AP3D1: variants seen among roughly 807,000 people sequenced by gnomAD.
The protein encoded by AP3D1 is AP-3 complex subunit delta-1.
A neutral mutation model predicts 147.6 loss-of-function variants in AP3D1; 51 were observed. The ratio of observed to expected loss-of-function variants is 0.35; its 90% CI spans 0.28 to 0.44. The LOEUF is 0.44. Among genes scored for constraint, AP3D1 ranks in the 20% least tolerant of loss-of-function variants. AP3D1 has a pLI of 1.00. For synonymous variants in AP3D1, 760 were observed against 663.0 expected (o/e 1.15, Z -2.25); for missense variants, 1,421 against 1,624.2 (o/e 0.87, Z 2.15).
chr19:2,114,917 C>G, intron 20 of AP3D1, 96 bp from the exon 21 acceptor site: 1 of 1,347,836 alleles, frequency 7.4e-7, no homozygotes, highest in Non-Finnish European at 1.1e-6. Context: ...CCATGCGGGC[C>G]ACACGCACAG....
intron 4 of AP3D1, among the ~76,000 whole-genome samples, chr19:2,135,774 C>T (rs1025517826): frequency 2.6e-5 from 4 of 152,134 alleles, no homozygotes; most frequent in African/African-American, 7.2e-5. Flanking sequence ...ACACAGGGAC[C>T]GGCCGTGCCG....
chr19:2,132,062 T>C (rs2018965272), intron 5 of AP3D1, among the ~76,000 whole-genome samples: 1 of 152,156 alleles, frequency 6.6e-6, no homozygotes, highest in Non-Finnish European at 1.5e-5. Flanking sequence ...TCCCAGGTTT[T>C]AGACTGTCAC....
At chr19:2,123,909 G>C in intron 9 of AP3D1, 30 bp from the exon 10 acceptor site, 2 of 1,562,370 alleles carry the variant, frequency 1.3e-6, no homozygotes, top group East Asian at 4.8e-5. Context: ...CAGCACCACG[G>C]TCAGCACCAT....
chr19:2,160,039 C>G (rs1382436229), intron 1 of AP3D1, among the ~76,000 whole-genome samples: 1 of 151,568 alleles, frequency 6.6e-6, no homozygotes, highest in Admixed American at 6.6e-5. Context: ...TTAGTAGAGA[C>G]GGGGTTTCAC....
chr19:2,157,581 C>T (rs1348213420), intron 1 of AP3D1, among the ~76,000 whole-genome samples: 1 of 151,566 alleles, frequency 6.6e-6, no homozygotes. Flanking sequence ...ATCCACCCAT[C>T]CACCCACCGA....
At chr19:2,123,226 C>A in intron 11 of AP3D1, 132 bp downstream of exon 11, 1 of 931,936 alleles carries the variant, frequency 1.1e-6, no homozygotes, top group Non-Finnish European at 1.7e-6. Flanking sequence ...GCCTCTGAGG[C>A]AGAGTGCCAT....
chr19:2,143,230 A>AT (rs776434810), intron 1 of AP3D1, among the ~76,000 whole-genome samples: 3,282 of 74,322 alleles, frequency 0.044, 528 homozygotes, highest in African/African-American at 0.088. Context: ...TGCCTGCCTA[A>AT]TTTTTTTTTT....
chr19:2,112,146 C>T (rs2018300406), intron 24 of AP3D1: 1 of 416,448 alleles, frequency 2.4e-6, no homozygotes, highest in South Asian at 2.8e-5. Flanking sequence ...ATGTGCACAT[C>T]CGAGAGGGAA....
intron 2 of AP3D1, 48 bp downstream of exon 2, chr19:2,138,571 G>T: frequency 1.4e-6 from 2 of 1,399,594 alleles, no homozygotes. Context: ...GTGCTGAGTG[G>T]AGAAGCAGCC....
At chr19:2,147,345 C>CAAAAAAA (rs71176517) in intron 1 of AP3D1, among the ~76,000 whole-genome samples, 3 of 80,274 alleles carry the variant, frequency 3.7e-5, no homozygotes, top group African/African-American at 5.0e-5. Context: ...AACTCTGTCT[C>CAAAAAAA]AAAAAAAAAA....
In AP3D1 at chr19:2,134,378, G is replaced by A. The variant is rs566594101; in HGVS notation, c.355-1800C>T. 4.0e-4 allele frequency among the ~76,000 whole-genome samples: 61 copies of A among 151,738 alleles called. No individual in the cohort carries two copies. The South Asian group carries it at 0.012, about 29-fold the overall frequency. ...CGAGGCTGCAGTGAGCTGCAATTGC[G>A]CTACTGCTCTCCAGCCTGGGTGACA... On this transcript the variant is annotated intron_variant, in intron 4 of 31. Coordinates refer to ENST00000643116, the MANE Select transcript of AP3D1 (RefSeq NM_001261826.3).
intron 31 of AP3D1, among the ~76,000 whole-genome samples, chr19:2,102,780 T>A (rs369542447): frequency 5.7e-4 from 62 of 109,358 alleles, no homozygotes; most frequent in Middle Eastern, 5.6e-3. Flanking sequence ...AATAAATAAA[T>A]AAAATAAAAA....
intron 1 of AP3D1, among the ~76,000 whole-genome samples, chr19:2,143,446 T>C (rs903915536): frequency 6.6e-6 from 1 of 151,562 alleles, no homozygotes; most frequent in African/African-American, 2.4e-5. Flanking sequence ...TTCGCCGTGT[T>C]AGCCAGGATG....
intron 1 of AP3D1, among the ~76,000 whole-genome samples, chr19:2,158,321 G>T (rs1159091070): frequency 6.6e-6 from 1 of 151,098 alleles, no homozygotes; most frequent in East Asian, 1.9e-4. Flanking sequence ...CTCCCAAAGT[G>T]CTGGGATTAC....
chr19:2,124,864 G>A (rs1015879565), intron 9 of AP3D1, among the ~76,000 whole-genome samples: 1 of 152,190 alleles, frequency 6.6e-6, no homozygotes, highest in African/African-American at 2.4e-5. Flanking sequence ...CGCTTGACCT[G>A]GGAGGCAGAG....
At chr19:2,147,107 G>A (rs1449192423) in intron 1 of AP3D1, among the ~76,000 whole-genome samples, 1 of 152,206 alleles carries the variant, frequency 6.6e-6, no homozygotes, top group Non-Finnish European at 1.5e-5. Flanking sequence ...CTCTTTGGGA[G>A]GCCGAGGCTG....
chr19:2,116,744 AG>A lies in AP3D1; in HGVS notation c.1861del (p.Leu621TrpfsTer93). Reference protein sequence around the residue: ...AQKKVPVPEGLDLDAWINEPL... With the variant: ...AQKKVPVPEGXDLDAWINEPL... Reference sequence around the variant, plus strand: ...CTCATTGATCCAGGCGTCCAGGTCCAGGCTGCACCGGACAGGAGGGCCACAC... The same window carrying A: ...CTCATTGATCCAGGCGTCCAGGTCCAGCTGCACCGGACAGGAGGGCCACAC... On this transcript the variant is annotated frameshift_variant and splice_region_variant, in exon 17 of 32. Coordinates refer to ENST00000643116, the MANE Select transcript of AP3D1 (RefSeq NM_001261826.3). LOFTEE classifies it high-confidence loss of function. 1 of 1,608,468 alleles carries A rather than the reference AG, an allele frequency of 6.2e-7. No individual in the cohort carries two copies. The highest frequency in any genetic ancestry group is 8.5e-7 in the Non-Finnish European group (1 of 1,177,608).
intron 18 of AP3D1, 56 bp downstream of exon 18, chr19:2,116,151 C>G (rs1411705659): frequency 7.0e-6 from 11 of 1,561,292 alleles, no homozygotes; most frequent in African/African-American, 1.4e-5. Flanking sequence ...TGCCGCGGGG[C>G]TCGGGTGGTG....
chr19:2,145,244 C>T (rs1413301361), intron 1 of AP3D1, among the ~76,000 whole-genome samples: 1 of 152,212 alleles, frequency 6.6e-6, no homozygotes, highest in African/African-American at 2.4e-5. Flanking sequence ...TCCTCAGGCC[C>T]CAGTCACAGA....
Sources: gnomAD v4.1 joint callset for allele counts (sites outside exome capture counted in the v4.1 genomes callset) on GRCh38, gnomAD v4.1.1 for gene constraint, MANE v1.5 for transcripts, NCBI Gene and HGNC (gene_info 2026-07-23, HGNC 2026-07-21) for gene names.